Variants in DAPK1 observed in about 807,000 individuals in gnomAD.
DAPK1 encodes the protein death-associated protein kinase 1.
A neutral mutation model predicts 144.9 loss-of-function variants in DAPK1; 56 were observed. The observed-to-expected ratio is 0.39, with a 90% CI of 0.31 to 0.48. The LOEUF (loss-of-function observed/expected upper bound fraction) is 0.48. Among genes scored for constraint, DAPK1 ranks in the 20% least tolerant of loss-of-function variants. The pLI, the probability that DAPK1 is intolerant of heterozygous loss-of-function variation, is 0.95. For missense variants in DAPK1, 1,454 were observed against 1,875.4 expected (o/e 0.78, Z 4.15); for synonymous variants, 690 against 749.0 (o/e 0.92, Z 1.29).
chr9:87,602,922 TTCTCTCTC>T (rs143584239), intron 2 of DAPK1, among the ~76,000 whole-genome samples: 3 of 146,526 alleles, frequency 2.0e-5, no homozygotes, highest in Non-Finnish European at 3.0e-5. Context: ...GTCTCTCTGT[TTCTCTCTC>T]TCTCTCTCTC....
At chr9:87,692,952 CTTTTTTTTTTTTTTTTT>C (rs61324273) in intron 21 of DAPK1, among the ~76,000 whole-genome samples, 172 of 26,356 alleles carry the variant, frequency 6.5e-3, no homozygotes, top group African/African-American at 0.013. Context: ...AGTGACTAGA[CTTTTTTTTTTTTTTTTT>C]TTTTTTTTTT....
At position 87,499,146 on chromosome 9, in the gene DAPK1, G is replaced by C. The variant is rs1391613059; in HGVS notation, c.62+7G>C. 2.5e-6 allele frequency: 4 copies of C among 1,612,164 alleles called. No individual in the cohort carries two copies. Among genetic ancestry groups the C allele is most frequent in the Non-Finnish European group, 3.4e-6 (4 of 1,178,368 alleles). ...CCGGCGAGGAACTTGGCAGGTAAAGGGGGTACCAGAAGCGTACCCTCCTGG... is the reference window on the plus strand; with the variant it reads ...CCGGCGAGGAACTTGGCAGGTAAAGCGGGTACCAGAAGCGTACCCTCCTGG... On this transcript the variant is annotated splice_region_variant and intron_variant, in intron 2 of 25. Coordinates refer to ENST00000408954, the MANE Select transcript of DAPK1 (RefSeq NM_004938.4).
chr9:87,524,431 C>A (rs1403359554), intron 2 of DAPK1, among the ~76,000 whole-genome samples: 2 of 152,156 alleles, frequency 1.3e-5, no homozygotes, highest in African/African-American at 4.8e-5. Flanking sequence ...GTTCCCTAAG[C>A]TGACGTGGAA....
intron 2 of DAPK1, among the ~76,000 whole-genome samples, chr9:87,520,577 T>TG (rs1311290535): frequency 6.6e-6 from 1 of 152,132 alleles, no homozygotes; most frequent in African/African-American, 2.4e-5. Flanking sequence ...TCCGCCACTT[T>TG]GGGGGGATGA....
chr9:87,701,420 A>C (rs2118070728), intron 24 of DAPK1, among the ~76,000 whole-genome samples: 1 of 152,378 alleles, frequency 6.6e-6, no homozygotes, highest in East Asian at 1.9e-4. Flanking sequence ...TAGAAATTTT[A>C]AAAGAAAATA....
In DAPK1 at chr9:87,497,884, G is replaced by A. The variant is rs1453561472; in HGVS notation, c.-332G>A. 3.6e-5 allele frequency: 14 copies of A among 393,918 alleles called. No individual in the cohort carries two copies. Among genetic ancestry groups the A allele is most frequent in the Admixed American group, 2.2e-4 (5 of 22,552 alleles). The allele number at this position is 393,918 out of a possible 1,614,324, so 24.4% of individuals were successfully genotyped here. ...GAGAGGCTGCTTCGGAGTGTGAGGAGGACAGCCGGACCGAGCCAACGCCGG... is the reference window on the plus strand; with the variant it reads ...GAGAGGCTGCTTCGGAGTGTGAGGAAGACAGCCGGACCGAGCCAACGCCGG... On this transcript the variant is annotated 5_prime_UTR_variant, in exon 1 of 26. Transcript: ENST00000408954.
chr9:87,668,456 C>T, intron 18 of DAPK1, 141 bp from the exon 19 acceptor site: 1 of 694,500 alleles, frequency 1.4e-6, no homozygotes, highest in Non-Finnish European at 2.6e-6. Context: ...GAGAAACACA[C>T]CGAGACGTGC....
rs369722428 is a variant in DAPK1 at position 87,681,396 on chromosome 9, A to T, written c.2002-8A>T. 1.3e-6 allele frequency: 2 copies of T among 1,521,572 alleles called. No individual in the cohort carries two copies. The highest frequency in any genetic ancestry group is 1.8e-6 in the Non-Finnish European group (2 of 1,096,796). The allele number at this position is 1,521,572 out of a possible 1,614,324, so 94.3% of individuals were successfully genotyped here. On this transcript the variant is annotated splice_polypyrimidine_tract_variant and splice_region_variant and intron_variant, in intron 19 of 25. Transcript: ENST00000408954. The stretch of plus-strand genomic sequence containing the variant: ...GTCACTCACTGGCTCTTTCTCATCC[A>T]TGCTCAGGATACGCACCGAGGACTC...
At chr9:87,543,349 C>G (rs1327471159) in intron 2 of DAPK1, among the ~76,000 whole-genome samples, 1 of 152,202 alleles carries the variant, frequency 6.6e-6, no homozygotes, top group African/African-American at 2.4e-5. Context: ...CAGTGCTTAT[C>G]ACTTACAAAT....
chr9:87,539,842 CT>C (rs1002191269), intron 2 of DAPK1, among the ~76,000 whole-genome samples: 5 of 152,114 alleles, frequency 3.3e-5, no homozygotes, highest in African/African-American at 1.2e-4. Context: ...TCTGCACTCC[CT>C]GCCTGTTAGC....
intron 2 of DAPK1, among the ~76,000 whole-genome samples, chr9:87,578,545 C>T (rs371145921): frequency 2.6e-5 from 4 of 152,316 alleles, no homozygotes; most frequent in South Asian, 2.1e-4. Flanking sequence ...TAAAGGTTCT[C>T]GTTACATGGA....
chr9:87,532,065 A>T (rs1004182602), intron 2 of DAPK1, among the ~76,000 whole-genome samples: 9 of 152,170 alleles, frequency 5.9e-5, no homozygotes, highest in African/African-American at 1.9e-4. Flanking sequence ...ATTGGGATTA[A>T]TGCCACTCTT....
chr9:87,675,884 CA>C (rs1824354144), intron 19 of DAPK1, among the ~76,000 whole-genome samples: 7 of 151,652 alleles, frequency 4.6e-5, no homozygotes, highest in African/African-American at 1.7e-4. Context: ...CACACACACA[CA>C]CACACACACA....
Position 87,595,799 on chromosome 9 carries a change from G to A in DAPK1, c.63-9155G>A, listed in dbSNP as rs1333322903. Among the ~76,000 whole-genome samples, 6 of 152,108 alleles carry A rather than the reference G, an allele frequency of 3.9e-5. No individual in the cohort carries two copies. In the East Asian group the frequency reaches 9.6e-4, roughly 24 times the overall value. On this transcript the variant is annotated intron_variant, in intron 2 of 25. Transcript: ENST00000408954. ...CATCTCTTTCCTACCTCTGTGTGTT[G>A]TTCTGGTTCCCAGGGTGACGGACTG...
chr9:87,514,914 T>A (rs1486250184), intron 2 of DAPK1, among the ~76,000 whole-genome samples: 1 of 152,224 alleles, frequency 6.6e-6, no homozygotes, highest in African/African-American at 2.4e-5. Flanking sequence ...TGGGAGTTGC[T>A]GGTTTCTCTG....
At chr9:87,547,661 G>A (rs1321877653) in intron 2 of DAPK1, among the ~76,000 whole-genome samples, 1 of 151,808 alleles carries the variant, frequency 6.6e-6, no homozygotes, top group Non-Finnish European at 1.5e-5. Context: ...GATTGTGGAG[G>A]GTGGCAAGTC....
At chr9:87,575,652 T>C (rs1180400618) in intron 2 of DAPK1, among the ~76,000 whole-genome samples, 2 of 152,234 alleles carry the variant, frequency 1.3e-5, no homozygotes, top group Non-Finnish European at 2.9e-5. Context: ...TGAGAGCTAG[T>C]GCAGGGCTGA....
chr9:87,661,724 G>A (rs1830853649), intron 18 of DAPK1, among the ~76,000 whole-genome samples: 1 of 152,144 alleles, frequency 6.6e-6, no homozygotes, highest in Non-Finnish European at 1.5e-5. Context: ...CATTCTGGAT[G>A]TTAGTTCCCT....
Position 87,681,509 on chromosome 9 carries a change from C to T in DAPK1, c.2107C>T (p.Leu703Phe), listed in dbSNP as rs759736720. The change falls in exon 20 of 26, where the codon CTT becomes TTT. Residue 703 changes from leucine to phenylalanine, a missense_variant. Transcript: ENST00000408954. ...CCACTCGGGATCCGGGAAAACCACC[C>T]TTGTAGAATCTCTCAAGTGTGGGCT... ...FGHSGSGKTT[L>F]VESLKCGLLR... 1 of 1,612,050 alleles carries T rather than the reference C, an allele frequency of 6.2e-7. No individual in the cohort carries two copies. Among genetic ancestry groups the T allele is most frequent in the Non-Finnish European group, 8.5e-7 (1 of 1,178,112 alleles).
Sources: gnomAD v4.1 joint callset for allele counts (sites outside exome capture counted in the v4.1 genomes callset) on GRCh38, gnomAD v4.1.1 for gene constraint, MANE v1.5 for transcripts, NCBI Gene and HGNC (gene_info 2026-07-23, HGNC 2026-07-21) for gene names.